FER: variants seen among roughly 807,000 people sequenced by gnomAD.
FER encodes the protein FER tyrosine kinase, also known as tyrosine-protein kinase Fer.
In FER, 63 loss-of-function variants were observed where a neutral mutation model predicts 111.0. The ratio of observed to expected loss-of-function variants is 0.57; its 90% CI spans 0.46 to 0.70. FER has a LOEUF of 0.70. Ranked by LOEUF, FER falls within the 30% of genes least tolerant of loss-of-function variation. The pLI is 0.00. For synonymous variants in FER, 327 were observed against 313.9 expected (o/e 1.04, Z -0.44); for missense variants, 914 against 954.0 (o/e 0.96, Z 0.55).
intron 13 of FER, among the ~76,000 whole-genome samples, chr5:109,016,649 TG>T (rs1482288183): frequency 6.6e-6 from 1 of 152,086 alleles, no homozygotes; most frequent in Non-Finnish European, 1.5e-5. Context: ...AAAAAGCTTT[TG>T]TTGCAAAGCA....
intron 13 of FER, among the ~76,000 whole-genome samples, chr5:109,037,035 A>G (rs966712305): frequency 4.6e-5 from 7 of 152,092 alleles, no homozygotes; most frequent in Non-Finnish European, 8.8e-5. Flanking sequence ...AATTTCTAAG[A>G]TTAAATGAGA....
At chr5:109,116,144 C>T (rs1460339746) in intron 17 of FER, among the ~76,000 whole-genome samples, 1 of 151,958 alleles carries the variant, frequency 6.6e-6, no homozygotes, top group Non-Finnish European at 1.5e-5. Context: ...GGTCTCTATG[C>T]TCCCTTGGCC....
In FER at chr5:109,075,180, A is replaced by G. The variant is rs375079767; in HGVS notation, c.1925-25216A>G. On this transcript the variant is annotated intron_variant, in intron 16 of 19. Coordinates refer to ENST00000281092, the MANE Select transcript of FER (RefSeq NM_005246.4). The stretch of plus-strand genomic sequence containing the variant: ...GCTGTCTCTTTTCTTGTTCTTTTTT[A>G]AAGAGTAATTCCAAAGATTCTGACT... Among the ~76,000 whole-genome samples, 10 of 152,084 alleles carry G rather than the reference A, an allele frequency of 6.6e-5. 1 individual carries two copies. The highest frequency in any genetic ancestry group is 7.2e-5 in the African/African-American group (3 of 41,482).
chr5:109,001,814 A>G (rs966798955), intron 13 of FER, among the ~76,000 whole-genome samples: 1 of 151,962 alleles, frequency 6.6e-6, no homozygotes, highest in Admixed American at 6.5e-5. Flanking sequence ...ATGTGCAAAA[A>G]TCACAAGCAT....
At chr5:109,125,105 C>T (rs1422822253) in intron 17 of FER, among the ~76,000 whole-genome samples, 1 of 150,650 alleles carries the variant, frequency 6.6e-6, no homozygotes, top group East Asian at 2.0e-4. Context: ...TAGGAAAAGT[C>T]TTAAAACAAA....
At chr5:108,924,605 G>C in intron 10 of FER, 1 of 1,230,888 alleles carries the variant, frequency 8.1e-7, no homozygotes, top group Non-Finnish European at 1.0e-6. Flanking sequence ...AGGAAGGTTT[G>C]TTGGTAAATT....
At chr5:108,972,418 A>G (rs1458402525) in intron 13 of FER, among the ~76,000 whole-genome samples, 1 of 152,140 alleles carries the variant, frequency 6.6e-6, no homozygotes, top group Admixed American at 6.5e-5. Flanking sequence ...TCGCATGATG[A>G]TATTTTCATT....
intron 13 of FER, among the ~76,000 whole-genome samples, chr5:108,975,137 C>G (rs6889213): frequency 0.053 from 8,037 of 152,148 alleles, 283 homozygotes; most frequent in South Asian, 0.11. Context: ...TCATTCTCAG[C>G]AAACTAACAC....
intron 2 of FER, among the ~76,000 whole-genome samples, chr5:108,771,199 G>T (rs183405730): frequency 6.6e-6 from 1 of 152,242 alleles, no homozygotes; most frequent in Non-Finnish European, 1.5e-5. Flanking sequence ...CTCCCAAAGT[G>T]CTGGGATTAC....
At chr5:108,999,223 T>C (rs541242580) in intron 13 of FER, among the ~76,000 whole-genome samples, 1 of 152,334 alleles carries the variant, frequency 6.6e-6, no homozygotes, top group South Asian at 2.1e-4. Flanking sequence ...CTATTTGTAC[T>C]AGCCATACAC....
chr5:108,871,234 G>A, intron 6 of FER, 131 bp from the exon 7 acceptor site: 3 of 602,138 alleles, frequency 5.0e-6, no homozygotes, highest in Non-Finnish European at 8.5e-6. Flanking sequence ...ATGAAATAAG[G>A]TGGTACAGGA....
intron 3 of FER, among the ~76,000 whole-genome samples, chr5:108,799,246 A>G (rs1756372866): frequency 6.6e-6 from 1 of 152,236 alleles, no homozygotes; most frequent in African/African-American, 2.4e-5. Flanking sequence ...TTGTTCTTTG[A>G]AAACATTGAA....
chr5:108,808,370 AT>A (rs762382920), intron 3 of FER, among the ~76,000 whole-genome samples: 3 of 148,720 alleles, frequency 2.0e-5, no homozygotes, highest in Non-Finnish European at 1.5e-5. Context: ...CTTCTTGTCC[AT>A]TTTTTTTTGT....
intron 2 of FER, among the ~76,000 whole-genome samples, chr5:108,768,769 T>C (rs1752586390): frequency 6.6e-6 from 1 of 152,194 alleles, no homozygotes; most frequent in Admixed American, 6.5e-5. Context: ...TATCCTTATA[T>C]TCTGGGGGAG....
intron 17 of FER, among the ~76,000 whole-genome samples, chr5:109,113,388 A>G (rs1749857975): frequency 6.6e-6 from 1 of 152,156 alleles, no homozygotes; most frequent in African/African-American, 2.4e-5. Flanking sequence ...CTAATTTTTT[A>G]AACAGTAAGA....
chr5:108,946,116 C>G lies in FER; in HGVS notation c.1237-14C>G. On this transcript the variant is annotated splice_polypyrimidine_tract_variant and intron_variant, in intron 10 of 19. Coordinates refer to ENST00000281092, the MANE Select transcript of FER (RefSeq NM_005246.4). ...GTTTACTGTTGCTGAAGGCTTGTTT[C>G]TTAATCCCTCCAGGAAAGAAAGGAG... The G allele has an allele frequency of 6.2e-7, 1 of 1,600,582 alleles. No individual in the cohort carries two copies. The highest frequency in any genetic ancestry group is 8.6e-7 in the Non-Finnish European group (1 of 1,168,796).
chr5:109,091,575 A>G (rs1414186582), intron 16 of FER, among the ~76,000 whole-genome samples: 1 of 151,824 alleles, frequency 6.6e-6, no homozygotes, highest in Non-Finnish European at 1.5e-5. Context: ...TACTCCTAAA[A>G]CCCCAGACCT....
chr5:108,874,110 G>A (rs557691085), intron 8 of FER, among the ~76,000 whole-genome samples: 2 of 152,172 alleles, frequency 1.3e-5, no homozygotes, highest in African/African-American at 4.8e-5. Flanking sequence ...ATGCCTTCAA[G>A]GACTTTACAC....
chr5:108,829,881 GT>G (rs1759858553), intron 3 of FER, among the ~76,000 whole-genome samples: 1 of 152,052 alleles, frequency 6.6e-6, no homozygotes, highest in African/African-American at 2.4e-5. Context: ...ATAAATAATT[GT>G]TTTAAATGCT....
Sources: gnomAD v4.1 joint callset for allele counts (sites outside exome capture counted in the v4.1 genomes callset) on GRCh38, gnomAD v4.1.1 for gene constraint, MANE v1.5 for transcripts, NCBI Gene and HGNC (gene_info 2026-07-23, HGNC 2026-07-21) for gene names.